PDIA5: variants seen among roughly 807,000 people sequenced by gnomAD.
The protein encoded by PDIA5 is protein disulfide-isomerase A5.
PDIA5 carries 58 observed loss-of-function variants against 77.6 expected under a neutral mutation model. That is an observed-to-expected ratio of 0.75 (90% CI 0.61 to 0.93). The LOEUF (loss-of-function observed/expected upper bound fraction) is 0.93, where lower values mean the gene tolerates loss of function less well. Among genes scored for constraint, PDIA5 ranks in the 40% least tolerant of loss-of-function variants. PDIA5 has a pLI of 0.00. For synonymous variants in PDIA5, 250 were observed against 252.1 expected (o/e 0.99, Z 0.08); for missense variants, 630 against 647.7 (o/e 0.97, Z 0.30).
chr3:123,077,048 G>A (rs1400261641), intron 1 of PDIA5, among the ~76,000 whole-genome samples: 1 of 152,168 alleles, frequency 6.6e-6, no homozygotes, highest in African/African-American at 2.4e-5. Flanking sequence ...TTTAAAGGAA[G>A]CAAAATATAA....
chr3:123,111,942 G>T (rs771229230), intron 7 of PDIA5, among the ~76,000 whole-genome samples: 1 of 151,974 alleles, frequency 6.6e-6, no homozygotes, highest in Non-Finnish European at 1.5e-5. Flanking sequence ...GCAAATTATG[G>T]CCCACGGGCC....
intron 7 of PDIA5, among the ~76,000 whole-genome samples, chr3:123,111,889 AT>A (rs765609355): frequency 2.0e-5 from 3 of 152,290 alleles, no homozygotes; most frequent in East Asian, 3.9e-4. Context: ...TTAAAAAATT[AT>A]TGGTTCTACG....
intron 1 of PDIA5, among the ~76,000 whole-genome samples, chr3:123,068,393 C>T (rs1188236569): frequency 6.6e-6 from 1 of 152,170 alleles, no homozygotes; most frequent in Non-Finnish European, 1.5e-5. Flanking sequence ...GGGAAAGAAG[C>T]CCCCTGTTCT....
At chr3:123,130,714 T>G (rs2107966077) in intron 11 of PDIA5, 98 bp downstream of exon 11, 2 of 1,402,728 alleles carry the variant, frequency 1.4e-6, no homozygotes, top group Non-Finnish European at 2.0e-6. Flanking sequence ...GCACTTATTT[T>G]TTGGATGCCA....
intron 2 of PDIA5, among the ~76,000 whole-genome samples, 173 bp from the exon 3 acceptor site, chr3:123,092,182 C>G (rs1046577838): frequency 1.2e-4 from 18 of 152,252 alleles, no homozygotes; most frequent in African/African-American, 3.9e-4. Flanking sequence ...ACCATTCTTG[C>G]AGCACAGGCC....
intron 3 of PDIA5, among the ~76,000 whole-genome samples, chr3:123,098,292 T>C (rs1934493824): frequency 6.6e-6 from 1 of 152,128 alleles, no homozygotes; most frequent in East Asian, 1.9e-4. Context: ...CTGTGGTACT[T>C]AGGCTGGACT....
chr3:123,089,451 A>G (rs1157037402), intron 2 of PDIA5, among the ~76,000 whole-genome samples, 157 bp downstream of exon 2: 1 of 152,252 alleles, frequency 6.6e-6, no homozygotes, highest in Non-Finnish European at 1.5e-5. Flanking sequence ...AGGCAGAGGC[A>G]CACAGAGGCA....
intron 1 of PDIA5, among the ~76,000 whole-genome samples, chr3:123,087,349 T>G (rs1296474773): frequency 6.6e-6 from 1 of 151,932 alleles, no homozygotes; most frequent in Admixed American, 6.5e-5. Context: ...TTTCCTCTTT[T>G]TTTTTTCTTT....
At position 123,092,553 on chromosome 3, in the gene PDIA5, C is replaced by T. The variant is rs899897530; in HGVS notation, c.257+111C>T. The T allele has an allele frequency of 2.1e-4, 175 of 821,102 alleles. 4 individuals are homozygous for T. The South Asian group carries it at 2.4e-3, about 11-fold the overall frequency. 50.9% of individuals were successfully genotyped at this position (821,102 alleles called of 1,614,324 possible). A position where few individuals can be genotyped will look rare whatever the true frequency, so the allele number is the denominator to read the frequency against. On this transcript the variant is annotated intron_variant, in intron 3 of 16. Coordinates refer to ENST00000316218, the MANE Select transcript of PDIA5 (RefSeq NM_006810.4). ...GATTAATAATCTGGGAGAGAGGATG[C>T]GATGGAAAGATTCCATCTAGTGATA... is the stretch of plus-strand genomic sequence containing the variant.
intron 11 of PDIA5, 53 bp downstream of exon 11, chr3:123,130,669 G>A (rs1473953924): frequency 6.3e-7 from 1 of 1,593,736 alleles, no homozygotes; most frequent in Admixed American, 1.7e-5. Flanking sequence ...CTCAGAGTAG[G>A]ATGAGTGTGG....
intron 3 of PDIA5, among the ~76,000 whole-genome samples, chr3:123,100,659 C>A (rs575904613): frequency 7.0e-4 from 106 of 152,334 alleles, no homozygotes; most frequent in African/African-American, 2.5e-3. Flanking sequence ...GACACTCCTC[C>A]TCTCTGACCA....
At position 123,110,940 on chromosome 3, in the gene PDIA5, T is replaced by C. The variant is rs1934845392; in HGVS notation, c.481-4T>C. On this transcript the variant is annotated splice_polypyrimidine_tract_variant and splice_region_variant and intron_variant, in intron 6 of 16. Transcript: ENST00000316218. ...GCTGCTGGTATTCTCTTTTTGTGCC[T>C]CAGGACTTCAGACGGCTCCTGAAGA... 1.2e-6 allele frequency: 2 copies of C among 1,613,318 alleles called. No homozygotes were observed. Among genetic ancestry groups the C allele is most frequent in the Admixed American group, 1.7e-5 (1 of 60,000 alleles).
At chr3:123,089,877 C>G (rs1934239233) in intron 2 of PDIA5, among the ~76,000 whole-genome samples, 2 of 152,252 alleles carry the variant, frequency 1.3e-5, no homozygotes, top group African/African-American at 4.8e-5. Flanking sequence ...TCTCTTCTGA[C>G]CTTGAGGCTG....
chr3:123,086,167 GTCT>G (rs1304509866), intron 1 of PDIA5, among the ~76,000 whole-genome samples: 6 of 152,206 alleles, frequency 3.9e-5, no homozygotes, highest in Non-Finnish European at 5.9e-5. Flanking sequence ...TAATGTTTCA[GTCT>G]TCTTCTCTGC....
intron 10 of PDIA5, among the ~76,000 whole-genome samples, chr3:123,130,188 G>A (rs1401947242): frequency 6.6e-6 from 1 of 152,244 alleles, no homozygotes; most frequent in Non-Finnish European, 1.5e-5. Context: ...ATTCCCAGGA[G>A]GAAGTGAGAT....
intron 11 of PDIA5, among the ~76,000 whole-genome samples, chr3:123,136,872 T>C (rs1412369316): frequency 2.6e-5 from 4 of 152,192 alleles, no homozygotes; most frequent in Non-Finnish European, 5.9e-5. Context: ...TAAATGTAGA[T>C]ATTGGCACAT....
At chr3:123,087,800 A>G (rs1934180159) in intron 1 of PDIA5, among the ~76,000 whole-genome samples, 1 of 152,060 alleles carries the variant, frequency 6.6e-6, no homozygotes, top group South Asian at 2.1e-4. Context: ...GGGAGTGGAG[A>G]GTGCTTGTTT....
chr3:123,160,455 C>T (rs1936133421), intron 15 of PDIA5, among the ~76,000 whole-genome samples: 1 of 152,008 alleles, frequency 6.6e-6, no homozygotes. Context: ...ATGCGGGGCT[C>T]CTCCAGTTTC....
chr3:123,110,762 CCTGCCGCGGCT>C (rs1175126902), intron 6 of PDIA5, among the ~76,000 whole-genome samples, 171 bp from the exon 7 acceptor site: 2 of 152,142 alleles, frequency 1.3e-5, no homozygotes, highest in African/African-American at 4.8e-5. Context: ...CAGCTCCTGG[CCTGCCGCGGCT>C]CTGCCCCCAC....
Sources: gnomAD v4.1 joint callset for allele counts (sites outside exome capture counted in the v4.1 genomes callset) on GRCh38, gnomAD v4.1.1 for gene constraint, MANE v1.5 for transcripts, NCBI Gene and HGNC (gene_info 2026-07-23, HGNC 2026-07-21) for gene names.